SLC44A4: variants seen among roughly 807,000 people sequenced by gnomAD.
SLC44A4 encodes choline transporter-like protein 4.
A neutral mutation model predicts 97.0 loss-of-function variants in SLC44A4; 74 were observed. That is an observed-to-expected ratio of 0.76 (90% CI 0.63 to 0.93). SLC44A4 has a LOEUF of 0.93. Ranked by LOEUF, SLC44A4 falls within the 40% of genes least tolerant of loss-of-function variation. The probability of loss-of-function intolerance (pLI) is 0.00; values close to 1 mark genes in which losing one functional copy is unlikely to be tolerated. For missense variants in SLC44A4, 799 were observed against 902.9 expected, an observed-to-expected ratio of 0.88 and a Z score of 1.48; for synonymous variants, 325 against 363.8, an observed-to-expected ratio of 0.89 and a Z score of 1.21.
intron 13 of SLC44A4, among the ~76,000 whole-genome samples, chr6:31,867,690 C>T (rs1474782789): frequency 6.6e-6 from 1 of 151,286 alleles, no homozygotes; most frequent in Non-Finnish European, 1.5e-5. Flanking sequence ...CGCATCACTG[C>T]ACTCCAGCCT....
Position 31,869,155 on chromosome 6 carries a change from C to CGT in SLC44A4, c.1231_1232dup (p.Ala412ArgfsTer5), listed in dbSNP as rs1270152693. The CGT allele has an allele frequency of 3.1e-6, 5 of 1,603,152 alleles. No homozygotes were observed. The East Asian group carries it at 1.1e-4, about 36-fold the overall frequency. ...CTCCATGTCCCCTGCTTCCTCTTACCGTGGGGTTGCATGATGTATTTATTG... is the reference window on the plus strand; with the variant it reads ...CTCCATGTCCCCTGCTTCCTCTTACCGTGTGGGGTTGCATGATGTATTTATTG... On this transcript the variant is annotated frameshift_variant and splice_region_variant, in exon 13 of 21. Coordinates refer to ENST00000229729, the MANE Select transcript of SLC44A4 (RefSeq NM_025257.3). LOFTEE classifies it high-confidence loss of function.
At chr6:31,875,787 G>A in intron 4 of SLC44A4, 65 bp downstream of exon 4, 1 of 1,400,750 alleles carries the variant, frequency 7.1e-7, no homozygotes, top group Non-Finnish European at 9.9e-7. Flanking sequence ...CTGAGTTGGG[G>A]GGGTGTCTCC....
At chr6:31,868,149 GC>G (rs1762961084) in intron 13 of SLC44A4, among the ~76,000 whole-genome samples, 2 of 152,204 alleles carry the variant, frequency 1.3e-5, no homozygotes, top group Admixed American at 6.5e-5. Context: ...TGGGGCTAAT[GC>G]CTGCAGCACA....
Position 31,865,348 on chromosome 6 carries a change from T to C in SLC44A4, c.1727A>G (p.Asn576Ser), listed in dbSNP as rs796241321. The C allele has an allele frequency of 6.2e-7, 1 of 1,613,902 alleles. No homozygotes were observed. The highest frequency in any genetic ancestry group is 1.7e-5 in the Admixed American group (1 of 60,000). ...YGKNFCVSAK[N>S]AFMLLMRNIV... ...GTTTCGCATGAGTAGCATGAACGCATTTTTGGCTGAGACACAGAAATTCTT... is the reference window on the plus strand; with the variant it reads ...GTTTCGCATGAGTAGCATGAACGCACTTTTGGCTGAGACACAGAAATTCTT... The change falls in exon 17 of 21, where the codon AAT becomes AGT. Residue 576 changes from asparagine (N) to serine (S), a missense_variant. Coordinates refer to ENST00000229729, the MANE Select transcript of SLC44A4 (RefSeq NM_025257.3). The surrounding 1 kb of genome is among the most constrained non-coding windows in gnomAD (Gnocchi z 5.2).
At chr6:31,867,284 A>C (rs1762918504) in intron 13 of SLC44A4, among the ~76,000 whole-genome samples, 1 of 147,472 alleles carries the variant, frequency 6.8e-6, no homozygotes, top group African/African-American at 2.5e-5. Context: ...ATGGAGTCTC[A>C]CTCTGTCACC....
chr6:31,874,732 G>T lies in SLC44A4; in HGVS notation c.457C>A (p.Pro153Thr). The T allele has an allele frequency of 6.2e-7, 1 of 1,611,424 alleles. No individual in the cohort carries two copies. Among genetic ancestry groups the T allele is most frequent in the Non-Finnish European group, 8.5e-7 (1 of 1,178,764 alleles). Reference protein sequence around the residue: ...KNRNFCLPGVPWNMTVITSLQ... With the variant: ...KNRNFCLPGVTWNMTVITSLQ... ...GGGGCAATATTCACCATATTCCAGG[G>T]TACCCCTGGCAGACAAAAGTTCCTG... The change falls in exon 6 of 21, where the codon CCC becomes ACC. Residue 153 changes from proline (P) to threonine (T), a missense_variant. Transcript: ENST00000229729. This position sits in a 1 kb window ranked among gnomAD's most constrained non-coding sequence, Gnocchi z 4.8.
At chr6:31,871,694 T>G in intron 7 of SLC44A4, 133 bp from the exon 8 acceptor site, 2 of 676,766 alleles carry the variant, frequency 3.0e-6, no homozygotes, top group South Asian at 3.5e-5. Context: ...TGGGCTGCTT[T>G]TGATTTCACA....
intron 12 of SLC44A4, 76 bp from the exon 13 acceptor site, chr6:31,869,333 G>C: frequency 8.3e-7 from 1 of 1,211,296 alleles, no homozygotes; most frequent in Admixed American, 2.2e-5. Flanking sequence ...CTGTTCCTAG[G>C]TGCTTGTGCA....
rs201906809 is a variant in SLC44A4 at position 31,865,299 on chromosome 6, G to T, written c.1760+16C>A. 9 of 1,613,876 alleles carry T rather than the reference G, an allele frequency of 5.6e-6. No individual in the cohort carries two copies. The Admixed American group carries it at 8.3e-5, about 15-fold the overall frequency. On this transcript the variant is annotated intron_variant, in intron 17 of 20. Coordinates refer to ENST00000229729, the MANE Select transcript of SLC44A4 (RefSeq NM_025257.3). The surrounding 1 kb of genome is among the most constrained non-coding windows in gnomAD (Gnocchi z 5.2). ...TCAGAGGAGGGAGCCACAAAGCGGG[G>T]GGGGAGCAGCCTAACCTGACAATGT...
rs200000182 is a variant in SLC44A4, at chr6:31,865,905, G to A, written c.1455C>T (p.Phe485=). 3.5e-4 allele frequency: 562 copies of A among 1,614,218 alleles called. 2 individuals carry two copies. The highest frequency in any genetic ancestry group is 1.5e-4 in the Non-Finnish European group (176 of 1,180,038). Residue 485 remains phenylalanine (F), a synonymous_variant, in exon 14 of 21, where the codon TTC becomes TTT. Coordinates refer to ENST00000229729, the MANE Select transcript of SLC44A4 (RefSeq NM_025257.3). The surrounding 1 kb of genome is among the most constrained non-coding windows in gnomAD (Gnocchi z 5.2). ...AFHKPQDIPT[F]PLISAFIRTL... Reference sequence around the variant, plus strand: ...TGCGGATGAAGGCAGAGATTAAGGGGAAGGTAGGGATGTCCTGGGGCTTGT... The same window carrying A: ...TGCGGATGAAGGCAGAGATTAAGGGAAAGGTAGGGATGTCCTGGGGCTTGT...
Position 31,863,387 on chromosome 6 carries a change from G to A in SLC44A4, c.*240C>T. 2 of 420,996 alleles carry A rather than the reference G, an allele frequency of 4.8e-6. No homozygotes were observed. The highest frequency in any genetic ancestry group is 4.7e-5 in the Admixed American group (1 of 21,406). 26.1% of individuals were successfully genotyped at this position (420,996 alleles called of 1,614,324 possible). On this transcript the variant is annotated 3_prime_UTR_variant, in exon 21 of 21. Transcript: ENST00000229729. ...ATGACAGGTGCATGCCACCACTCTCGGCTAATTTTTGTATTTTTAATAGAG... is the reference window on the plus strand; with the variant it reads ...ATGACAGGTGCATGCCACCACTCTCAGCTAATTTTTGTATTTTTAATAGAG...
In SLC44A4 at chr6:31,877,157, C is replaced by T. The variant is rs1763493541; in HGVS notation, c.41-75G>A. 2 of 1,476,968 alleles carry T rather than the reference C, an allele frequency of 1.4e-6. No homozygotes were observed. Among genetic ancestry groups the T allele is most frequent in the Non-Finnish European group, 1.9e-6 (2 of 1,075,512 alleles). The allele number at this position is 1,476,968 out of a possible 1,614,324, so 91.5% of individuals were successfully genotyped here. ...TTGTCCTGCTGAGTCCTCCTAGCCC[C>T]AGGATCCTACCCAGGCCTCAGGTGT... On this transcript the variant is annotated intron_variant, in intron 1 of 20. Transcript: ENST00000229729. This position sits in a 1 kb window ranked among gnomAD's most constrained non-coding sequence, Gnocchi z 6.5.
intron 20 of SLC44A4, 121 bp downstream of exon 20, chr6:31,864,531 T>G: frequency 1.1e-6 from 1 of 912,416 alleles, no homozygotes. Context: ...AAGCTCCCTC[T>G]GGTTCGTTTA....
chr6:31,878,873 A>C lies in SLC44A4; in HGVS notation c.40+68T>G. ...AGTTCCTCTCCCTGGAGCCAGCCCC[A>C]GACACCATTCCCAAAGTACCCGTCC... On this transcript the variant is annotated intron_variant, in intron 1 of 20. Coordinates refer to ENST00000229729, the MANE Select transcript of SLC44A4 (RefSeq NM_025257.3). The surrounding 1 kb of genome is among the most constrained non-coding windows in gnomAD (Gnocchi z 4.0). The C allele has an allele frequency of 5.8e-6, 9 of 1,547,980 alleles. No homozygotes were observed. Among genetic ancestry groups the C allele is most frequent in the Non-Finnish European group, 6.2e-6 (7 of 1,120,308 alleles).
intron 13 of SLC44A4, among the ~76,000 whole-genome samples, chr6:31,868,783 A>T (rs1762990182): frequency 6.9e-6 from 1 of 145,440 alleles, no homozygotes; most frequent in Admixed American, 7.2e-5. Context: ...GCAACAGAGC[A>T]AGACCCTGTC....
At chr6:31,868,533 T>A (rs868295216) in intron 13 of SLC44A4, among the ~76,000 whole-genome samples, 5 of 152,286 alleles carry the variant, frequency 3.3e-5, no homozygotes, top group Middle Eastern at 6.8e-3. Flanking sequence ...CCCAGTACTT[T>A]GGGAGGTTAA....
At chr6:31,871,239 G>A in intron 9 of SLC44A4, 75 bp downstream of exon 9, 1 of 1,460,180 alleles carries the variant, frequency 6.8e-7, no homozygotes, top group Non-Finnish European at 9.6e-7. Flanking sequence ...CTGTGTTTCA[G>A]ACATTGGGCG....
chr6:31,866,316 T>C (rs1047081161), intron 13 of SLC44A4, among the ~76,000 whole-genome samples, 190 bp from the exon 14 acceptor site: 9 of 152,124 alleles, frequency 5.9e-5, no homozygotes, highest in Admixed American at 3.9e-4. Context: ...GGTCTGCCTA[T>C]AGCATAAGCA....
chr6:31,865,682 A>C lies in SLC44A4; in HGVS notation c.1582+8T>G. The C allele has an allele frequency of 3.1e-6, 5 of 1,613,142 alleles. No individual in the cohort carries two copies. Among genetic ancestry groups the C allele is most frequent in the Non-Finnish European group, 4.2e-6 (5 of 1,179,952 alleles). ...AGCTCCTGACTCCTACTCCGACTCC[A>C]GACTCACCTCTGAGCTTGTGGTCAA... On this transcript the variant is annotated splice_region_variant and intron_variant, in intron 15 of 20. Transcript: ENST00000229729. The surrounding 1 kb of genome is among the most constrained non-coding windows in gnomAD (Gnocchi z 5.2).
Sources: gnomAD v4.1 joint callset for allele counts (sites outside exome capture counted in the v4.1 genomes callset) on GRCh38, gnomAD v4.1.1 for gene constraint, Gnocchi (gnomAD v3.1) non-coding constraint, MANE v1.5 for transcripts, NCBI Gene and HGNC (gene_info 2026-07-23, HGNC 2026-07-21) for gene names.